Variants in CADM1 observed in about 807,000 individuals in gnomAD.
CADM1 encodes TSLC-1.
Under a neutral mutation model 53.1 loss-of-function variants are expected in CADM1, and 15 were observed. That is an observed-to-expected ratio of 0.28 (90% CI 0.19 to 0.44). The LOEUF is 0.44. Ranked by LOEUF, CADM1 falls within the 20% of genes least tolerant of loss-of-function variation. The pLI is 1.00. For synonymous variants in CADM1, 281 were observed against 243.0 expected (o/e 1.16, Z -1.45); for missense variants, 434 against 611.3 (o/e 0.71, Z 3.06).
At chr11:115,340,626 TTATATATATATATATATA>T (rs869156485) in intron 1 of CADM1, among the ~76,000 whole-genome samples, 1 of 48,246 alleles carries the variant, frequency 2.1e-5, no homozygotes, top group South Asian at 1.0e-3. Flanking sequence ...ATAATAAATA[TTATATATATATATATATA>T]TATATATATA....
At chr11:115,200,985 C>A (rs890517346) in intron 8 of CADM1, among the ~76,000 whole-genome samples, 1 of 152,202 alleles carries the variant, frequency 6.6e-6, no homozygotes, top group Admixed American at 6.5e-5. Context: ...TAGGCGTCTG[C>A]TCCTAGGTGA....
chr11:115,190,099 T>A (rs557870350), intron 10 of CADM1, among the ~76,000 whole-genome samples: 1 of 152,322 alleles, frequency 6.6e-6, no homozygotes, highest in African/African-American at 2.4e-5. Context: ...ATTTCTCCAC[T>A]GCAATAACAA....
At chr11:115,359,491 G>A (rs529855592) in intron 1 of CADM1, among the ~76,000 whole-genome samples, 1 of 152,114 alleles carries the variant, frequency 6.6e-6, no homozygotes, top group Admixed American at 6.6e-5. Context: ...ACCAGCCCAA[G>A]GCAAAGACAT....
intron 1 of CADM1, among the ~76,000 whole-genome samples, chr11:115,423,011 C>T (rs1947797260): frequency 6.7e-6 from 1 of 148,808 alleles, no homozygotes; most frequent in Admixed American, 6.7e-5. Context: ...AAATATAAAC[C>T]TAGAAAACGC....
At chr11:115,315,010 T>A (rs1404616786) in intron 1 of CADM1, among the ~76,000 whole-genome samples, 1 of 152,066 alleles carries the variant, frequency 6.6e-6, no homozygotes, top group African/African-American at 2.4e-5. Flanking sequence ...GGATTTGGAG[T>A]TGACACGTTA....
intron 1 of CADM1, among the ~76,000 whole-genome samples, chr11:115,457,877 A>G (rs1948712789): frequency 6.6e-6 from 1 of 152,184 alleles, no homozygotes; most frequent in African/African-American, 2.4e-5. Context: ...TAAAAACTGC[A>G]AAGCCCAATG....
At chr11:115,268,732 T>G (rs1943214149) in intron 1 of CADM1, among the ~76,000 whole-genome samples, 1 of 152,208 alleles carries the variant, frequency 6.6e-6, no homozygotes, top group Non-Finnish European at 1.5e-5. Flanking sequence ...CGAAGCGGCT[T>G]TAAAGGCATC....
At chr11:115,346,807 G>A (rs967088716) in intron 1 of CADM1, among the ~76,000 whole-genome samples, 1 of 152,092 alleles carries the variant, frequency 6.6e-6, no homozygotes, top group African/African-American at 2.4e-5. Flanking sequence ...TTTTGTTGGT[G>A]TTCAATTGTT....
chr11:115,447,985 T>G (rs1948489434), intron 1 of CADM1, among the ~76,000 whole-genome samples: 1 of 152,200 alleles, frequency 6.6e-6, no homozygotes, highest in Admixed American at 6.5e-5. Flanking sequence ...TTCTCTTTAC[T>G]TCTTACTAGC....
intron 10 of CADM1, 60 bp from the exon 11 acceptor site, chr11:115,178,835 G>T: frequency 1.3e-6 from 2 of 1,586,204 alleles, no homozygotes; most frequent in Non-Finnish European, 1.7e-6. Flanking sequence ...CAGAAGCCCC[G>T]GCGACACTGT....
chr11:115,457,850 A>G (rs1204694377), intron 1 of CADM1, among the ~76,000 whole-genome samples: 2 of 152,178 alleles, frequency 1.3e-5, no homozygotes, highest in Non-Finnish European at 2.9e-5. Flanking sequence ...GAATAAGTGC[A>G]TTCTGGCAAG....
chr11:115,242,311 TAAC>T (rs1303461507), intron 1 of CADM1, among the ~76,000 whole-genome samples: 1 of 47,136 alleles, frequency 2.1e-5, no homozygotes, highest in Non-Finnish European at 4.5e-5. Flanking sequence ...TGTTACAGAA[TAAC>T]AACAAAGAGA....
intron 1 of CADM1, among the ~76,000 whole-genome samples, chr11:115,290,760 A>G (rs776853934): frequency 1.3e-5 from 2 of 152,234 alleles, no homozygotes; most frequent in Non-Finnish European, 2.9e-5. Context: ...GGAGAGGAAG[A>G]GAAATTTGAG....
chr11:115,411,772 C>G (rs1284605230), intron 1 of CADM1, among the ~76,000 whole-genome samples: 1 of 151,748 alleles, frequency 6.6e-6, no homozygotes, highest in East Asian at 1.9e-4. Context: ...TTTCAAATAC[C>G]CTCACTGGTA....
rs770893654 is a variant in CADM1, at chr11:115,231,392, T to C, written c.523A>G (p.Thr175Ala). Residue 175 changes from threonine (T) to alanine (A), a missense_variant, in exon 4 of 12, where the codon ACG (threonine) becomes GCG (alanine). Thr to Ala is a moderately conservative substitution (Grantham distance 58). Transcript: ENST00000331581. ...TTCCCTTTGAACCACCTGATAGTCG[T>C]GGCTGGCTTGCTGGCCATAGCAGTG... ...NCTAMASKPA[T>A]TIRWFKGNTE... 3 of 1,614,100 alleles carry C rather than the reference T, an allele frequency of 1.9e-6. No homozygotes were observed. The highest frequency in any genetic ancestry group is 2.5e-6 in the Non-Finnish European group (3 of 1,180,020).
chr11:115,432,465 G>A (rs1346220361), intron 1 of CADM1, among the ~76,000 whole-genome samples: 1 of 152,150 alleles, frequency 6.6e-6, no homozygotes, highest in East Asian at 1.9e-4. Flanking sequence ...TGAGGTCAAG[G>A]ATTCTCCCTT....
At chr11:115,414,773 T>TC (rs1293223130) in intron 1 of CADM1, among the ~76,000 whole-genome samples, 1 of 268 alleles carries the variant, frequency 3.7e-3, no homozygotes, top group Non-Finnish European at 6.6e-3. Context: ...AACACTTCAT[T>TC]CTTGCTCATT....
chr11:115,343,157 C>T (rs1369627202), intron 1 of CADM1, among the ~76,000 whole-genome samples: 1 of 152,046 alleles, frequency 6.6e-6, no homozygotes, highest in Non-Finnish European at 1.5e-5. Flanking sequence ...CGTAGCAGCC[C>T]TATAAGGTAC....
intron 1 of CADM1, among the ~76,000 whole-genome samples, chr11:115,390,414 GAGA>G (rs1372029301): frequency 1.3e-5 from 2 of 151,876 alleles, no homozygotes; most frequent in African/African-American, 4.8e-5. Context: ...AGGCGAGAGA[GAGA>G]AGGAGAGAGG....
Sources: gnomAD v4.1 joint callset for allele counts (sites outside exome capture counted in the v4.1 genomes callset) on GRCh38, gnomAD v4.1.1 for gene constraint, MANE v1.5 for transcripts, NCBI Gene and HGNC (gene_info 2026-07-23, HGNC 2026-07-21) for gene names.